KCNQ5: variants seen among roughly 807,000 people sequenced by gnomAD.
KCNQ5 encodes potassium voltage-gated channel subfamily Q member 5, also known as potassium voltage-gated channel subfamily KQT member 5.
In KCNQ5, 30 loss-of-function variants were observed where a neutral mutation model predicts 98.2. The ratio of observed to expected loss-of-function variants is 0.31; its 90% CI spans 0.23 to 0.41. The LOEUF (loss-of-function observed/expected upper bound fraction) is 0.41. Among genes scored for constraint, KCNQ5 ranks in the 10% least tolerant of loss-of-function variants. The pLI is 1.00. For synonymous variants in KCNQ5, 458 were observed against 449.4 expected, an observed-to-expected ratio of 1.02 and a Z score of -0.24; for missense variants, 835 against 1,182.5, an observed-to-expected ratio of 0.71 and a Z score of 4.31.
chr6:73,178,075 A>G lies in KCNQ5; in HGVS notation c.1577+8221A>G, dbSNP rs568009232. Among the ~76,000 whole-genome samples the G allele has an allele frequency of 2.0e-5, 3 of 151,842 alleles. No individual in the cohort carries two copies. The East Asian group carries it at 5.8e-4, about 29-fold the overall frequency. On this transcript the variant is annotated intron_variant, in intron 11 of 13. Transcript: ENST00000370398. ...TTAAAGTAGTCAACATGTATAGTCAATTTATTTATTTACTTATTCATTTCA... is the reference window on the plus strand; with the variant it reads ...TTAAAGTAGTCAACATGTATAGTCAGTTTATTTATTTACTTATTCATTTCA...
chr6:73,180,200 GATC>G (rs1270317512), intron 11 of KCNQ5, among the ~76,000 whole-genome samples: 1 of 152,154 alleles, frequency 6.6e-6, no homozygotes, highest in East Asian at 1.9e-4. Context: ...AGGACCAAAT[GATC>G]ATTGTCATCA....
intron 11 of KCNQ5, among the ~76,000 whole-genome samples, chr6:73,183,016 T>G (rs988865315): frequency 6.6e-5 from 10 of 152,122 alleles, no homozygotes; most frequent in African/African-American, 2.2e-4. Flanking sequence ...GTGGCCAGGT[T>G]GAAAGGCAGA....
intron 1 of KCNQ5, among the ~76,000 whole-genome samples, chr6:72,839,923 G>A (rs187473559): frequency 1.3e-5 from 2 of 152,122 alleles, no homozygotes; most frequent in Admixed American, 6.5e-5. Context: ...TGGGTGGTTC[G>A]GTGGTAGAAT....
At chr6:72,851,149 C>T (rs1174724211) in intron 1 of KCNQ5, among the ~76,000 whole-genome samples, 1 of 152,098 alleles carries the variant, frequency 6.6e-6, no homozygotes, top group East Asian at 1.9e-4. Flanking sequence ...ATTGTTATAA[C>T]CTTTTCAAGT....
At chr6:73,056,300 T>C (rs1361750287) in intron 3 of KCNQ5, among the ~76,000 whole-genome samples, 1 of 152,078 alleles carries the variant, frequency 6.6e-6, no homozygotes, top group African/African-American at 2.4e-5. Flanking sequence ...GTAACCTGCA[T>C]GGTGATGTGA....
At chr6:73,113,364 G>T (rs2150430101) in intron 7 of KCNQ5, among the ~76,000 whole-genome samples, 1 of 152,220 alleles carries the variant, frequency 6.6e-6, no homozygotes, top group South Asian at 2.1e-4. Context: ...AAAACCTCTT[G>T]GAATATCAGC....
intron 1 of KCNQ5, among the ~76,000 whole-genome samples, chr6:72,891,545 A>T (rs142740029): frequency 4.0e-4 from 61 of 152,306 alleles, no homozygotes; most frequent in East Asian, 7.7e-4. Context: ...CTTAAAGAAA[A>T]CACCATATAA....
At chr6:73,062,126 G>T (rs1464405118) in intron 3 of KCNQ5, among the ~76,000 whole-genome samples, 1 of 152,130 alleles carries the variant, frequency 6.6e-6, no homozygotes, top group Non-Finnish European at 1.5e-5. Context: ...GGTATGTATG[G>T]TACCTAAAGG....
chr6:72,628,616 T>G (rs1207380953), intron 1 of KCNQ5, among the ~76,000 whole-genome samples: 1 of 152,140 alleles, frequency 6.6e-6, no homozygotes, highest in African/African-American at 2.4e-5. Context: ...CTTTCTTTCT[T>G]TTTGTTAGTT....
chr6:72,630,185 C>T (rs1011513586), intron 1 of KCNQ5, among the ~76,000 whole-genome samples: 2 of 152,058 alleles, frequency 1.3e-5, no homozygotes, highest in Middle Eastern at 6.8e-3. Context: ...GAATAAAATG[C>T]AATTTAGAAA....
chr6:72,787,116 G>A (rs1773795669), intron 1 of KCNQ5, among the ~76,000 whole-genome samples: 1 of 151,596 alleles, frequency 6.6e-6, no homozygotes, highest in Non-Finnish European at 1.5e-5. Flanking sequence ...ACCCTGACCT[G>A]TGAGACAAAT....
intron 1 of KCNQ5, among the ~76,000 whole-genome samples, chr6:72,972,321 G>A (rs1767940892): frequency 6.6e-6 from 1 of 151,556 alleles, no homozygotes; most frequent in Admixed American, 6.6e-5. Context: ...ATTAAATATA[G>A]CAATTAACCA....
rs75831701 is a variant in KCNQ5 at position 72,927,844 on chromosome 6, G to A, written c.399-76064G>A. On this transcript the variant is annotated intron_variant, in intron 1 of 13. Coordinates refer to ENST00000370398, the MANE Select transcript of KCNQ5 (RefSeq NM_019842.4). ...ACAAATTTTTTTTTCACTTGTTTTC[G>A]CAAAAGATAGATAATTCTGGACTCA... 2.5e-3 allele frequency among the ~76,000 whole-genome samples: 377 copies of A among 151,546 alleles called. 3 individuals are homozygous for A. In the East Asian group the frequency reaches 0.026, roughly 10 times the overall value.
At chr6:72,976,961 G>A (rs1016445236) in intron 1 of KCNQ5, among the ~76,000 whole-genome samples, 1 of 152,054 alleles carries the variant, frequency 6.6e-6, no homozygotes, top group African/African-American at 2.4e-5. Context: ...AATTTTGCTG[G>A]GTATTGTTTC....
At chr6:72,727,242 A>G (rs1173418753) in intron 1 of KCNQ5, among the ~76,000 whole-genome samples, 1 of 152,250 alleles carries the variant, frequency 6.6e-6, no homozygotes, top group Non-Finnish European at 1.5e-5. Flanking sequence ...AACTTCTCGC[A>G]TAGTCACTTC....
chr6:72,768,580 A>G (rs1772694010), intron 1 of KCNQ5, among the ~76,000 whole-genome samples: 1 of 152,088 alleles, frequency 6.6e-6, no homozygotes, highest in Admixed American at 6.6e-5. Flanking sequence ...CTGAGAGAGA[A>G]TGAGTCCACA....
intron 11 of KCNQ5, among the ~76,000 whole-genome samples, chr6:73,188,336 C>A (rs1304466722): frequency 6.6e-6 from 1 of 152,210 alleles, no homozygotes; most frequent in African/African-American, 2.4e-5. Flanking sequence ...ATACAAAGTA[C>A]TTCACATAAC....
chr6:72,939,543 C>T (rs1766123343), intron 1 of KCNQ5, among the ~76,000 whole-genome samples: 1 of 152,152 alleles, frequency 6.6e-6, no homozygotes, highest in African/African-American at 2.4e-5. Flanking sequence ...GGAGAGACAC[C>T]TCTCCACTAA....
At chr6:72,940,134 A>G (rs1766152008) in intron 1 of KCNQ5, among the ~76,000 whole-genome samples, 1 of 152,126 alleles carries the variant, frequency 6.6e-6, no homozygotes, top group African/African-American at 2.4e-5. Flanking sequence ...ACATTCTTTG[A>G]TGTTCTGAAT....
Sources: gnomAD v4.1 joint callset for allele counts (sites outside exome capture counted in the v4.1 genomes callset) on GRCh38, gnomAD v4.1.1 for gene constraint, MANE v1.5 for transcripts, NCBI Gene and HGNC (gene_info 2026-07-23, HGNC 2026-07-21) for gene names.